The following TRERF1 variants were observed in gnomAD, a reference collection of about 807,000 sequenced individuals.
TRERF1 encodes the protein transcriptional-regulating factor 1.
Under a neutral mutation model 122.9 loss-of-function variants are expected in TRERF1, and 27 were observed. The ratio of observed to expected loss-of-function variants is 0.22; its 90% CI spans 0.16 to 0.30. TRERF1 has a LOEUF of 0.30. Among genes scored for constraint, TRERF1 ranks in the 10% least tolerant of loss-of-function variants. TRERF1 has a pLI of 1.00. For missense variants in TRERF1, 1,248 were observed against 1,560.3 expected, an observed-to-expected ratio of 0.80 and a Z score of 3.37; for synonymous variants, 636 against 641.7, an observed-to-expected ratio of 0.99 and a Z score of 0.13.
At chr6:42,280,935 TG>T (rs1204203054) in intron 4 of TRERF1, among the ~76,000 whole-genome samples, 2 of 152,220 alleles carry the variant, frequency 1.3e-5, no homozygotes, top group Non-Finnish European at 2.9e-5. Context: ...TTCAGTGTTA[TG>T]GAATAAAGTT....
At chr6:42,229,554 C>T (rs112344120) in intron 17 of TRERF1, among the ~76,000 whole-genome samples, 2 of 152,160 alleles carry the variant, frequency 1.3e-5, no homozygotes, top group African/African-American at 2.4e-5. Context: ...TTGCTCTTCT[C>T]GAGGTCACTG....
intron 13 of TRERF1, among the ~76,000 whole-genome samples, chr6:42,251,089 T>TG (rs1396037015): frequency 6.6e-6 from 1 of 151,008 alleles, no homozygotes; most frequent in African/African-American, 2.4e-5. Context: ...CTACGCCTCT[T>TG]GGGTTCAGGC....
chr6:42,299,131 T>A (rs1785640989), intron 4 of TRERF1, among the ~76,000 whole-genome samples: 2 of 145,162 alleles, frequency 1.4e-5, no homozygotes, highest in Admixed American at 6.8e-5. Context: ...TCTATCTATC[T>A]ATCTACATAT....
chr6:42,268,085 A>G lies in TRERF1; in HGVS notation c.1437+69T>C. On this transcript the variant is annotated intron_variant, in intron 5 of 17. Coordinates refer to ENST00000372922, the Ensembl canonical transcript of TRERF1. The surrounding 1 kb of genome is among the most constrained non-coding windows in gnomAD (Gnocchi z 4.4). ...TTGAGGGGGCTTGGAGAGAGGATTG[A>G]GCACTGCAGACTCAGCCCTGACCCT... 1 of 1,370,412 alleles carries G rather than the reference A, an allele frequency of 7.3e-7. No homozygotes were observed. The highest frequency in any genetic ancestry group is 9.5e-7 in the Non-Finnish European group (1 of 1,055,742). The allele number at this position is 1,370,412 out of a possible 1,614,324, so 84.9% of individuals were successfully genotyped here.
At chr6:42,357,896 T>A (rs781462467) in intron 3 of TRERF1, among the ~76,000 whole-genome samples, 8 of 152,148 alleles carry the variant, frequency 5.3e-5, no homozygotes, top group Non-Finnish European at 1.2e-4. Flanking sequence ...TTTTAATGAC[T>A]CCAAAAGGCG....
intron 2 of TRERF1, among the ~76,000 whole-genome samples, chr6:42,367,806 T>C (rs527417464): frequency 6.6e-6 from 1 of 152,206 alleles, no homozygotes; most frequent in Admixed American, 6.5e-5. Context: ...GGGGACCATT[T>C]TTCAGCTGGG....
intron 3 of TRERF1, among the ~76,000 whole-genome samples, chr6:42,344,455 A>G (rs1767892425): frequency 6.6e-6 from 1 of 152,204 alleles, no homozygotes; most frequent in Non-Finnish European, 1.5e-5. Context: ...AAAACCGTGT[A>G]GCTAGTAAGC....
At chr6:42,289,603 AT>A (rs1455193102) in intron 4 of TRERF1, among the ~76,000 whole-genome samples, 7 of 152,224 alleles carry the variant, frequency 4.6e-5, no homozygotes, top group Admixed American at 4.6e-4. Context: ...TGATCATCTA[AT>A]GAGAAGAATA....
chr6:42,373,373 A>C (rs1391494553), intron 2 of TRERF1, among the ~76,000 whole-genome samples: 1 of 152,180 alleles, frequency 6.6e-6, no homozygotes, highest in Non-Finnish European at 1.5e-5. Context: ...TCTCTACTAA[A>C]AATACAAAAT....
intron 13 of TRERF1, 145 bp downstream of exon 13, chr6:42,254,706 C>G (rs1479665147): frequency 2.7e-6 from 2 of 738,826 alleles, no homozygotes; most frequent in African/African-American, 3.5e-5. Context: ...AAGCAACAGA[C>G]ATAGCTCTGC....
chr6:42,271,603 CA>C (rs976844878), intron 4 of TRERF1, among the ~76,000 whole-genome samples: 24 of 152,050 alleles, frequency 1.6e-4, no homozygotes, highest in Non-Finnish European at 1.9e-4. Flanking sequence ...TCACCCCCCC[CA>C]AAAAAAGTTA....
rs1052885924 is a variant in TRERF1 at position 42,393,078 on chromosome 6, C to T, written c.-453-29999G>A. Among the ~76,000 whole-genome samples, 3 of 152,170 alleles carry T rather than the reference C, an allele frequency of 2.0e-5. No individual in the cohort carries two copies. The highest frequency in any genetic ancestry group is 6.5e-5 in the Admixed American group (1 of 15,280). On this transcript the variant is annotated intron_variant, in intron 2 of 17. Transcript: ENST00000372922. This position sits in a 1 kb window ranked among gnomAD's most constrained non-coding sequence, Gnocchi z 4.1. ...CACAGTTAACTCCCACGAGCTGGTG[C>T]GAGCCAGCTTCCACACGCATCACCG...
intron 2 of TRERF1, among the ~76,000 whole-genome samples, chr6:42,433,540 G>T (rs1784804922): frequency 6.6e-6 from 1 of 152,194 alleles, no homozygotes; most frequent in South Asian, 2.1e-4. Context: ...CATTGTACAG[G>T]TAAGGGCAAA....
chr6:42,246,782 C>G (rs1277081921), intron 13 of TRERF1, among the ~76,000 whole-genome samples: 2 of 152,164 alleles, frequency 1.3e-5, no homozygotes, highest in Non-Finnish European at 2.9e-5. Flanking sequence ...GTTTTGTTAC[C>G]TACAAATGGG....
chr6:42,255,951 T>C (rs2149736493), intron 12 of TRERF1, among the ~76,000 whole-genome samples: 1 of 151,914 alleles, frequency 6.6e-6, no homozygotes, highest in East Asian at 1.9e-4. Flanking sequence ...GCCAACATGA[T>C]GAAACCCCAT....
chr6:42,243,434 T>C, intron 14 of TRERF1, 73 bp from the exon 15 acceptor site: 1 of 1,094,560 alleles, frequency 9.1e-7, no homozygotes, highest in Non-Finnish European at 1.4e-6. Flanking sequence ...TTTTTGAATA[T>C]TTAATTTTGT....
intron 2 of TRERF1, among the ~76,000 whole-genome samples, chr6:42,401,933 G>C (rs1779444359): frequency 6.6e-6 from 1 of 152,182 alleles, no homozygotes; most frequent in Non-Finnish European, 1.5e-5. Context: ...AAAAGGTCTT[G>C]GGCTTTGAAG....
chr6:42,446,549 T>G (rs1787551527), intron 2 of TRERF1, among the ~76,000 whole-genome samples: 1 of 152,046 alleles, frequency 6.6e-6, no homozygotes, highest in African/African-American at 2.4e-5. Flanking sequence ...GTAAGTGAAG[T>G]GGTAAGGGTA....
At chr6:42,229,114 A>C (rs1318672914) in intron 17 of TRERF1, among the ~76,000 whole-genome samples, 1 of 151,954 alleles carries the variant, frequency 6.6e-6, no homozygotes, top group Non-Finnish European at 1.5e-5. Flanking sequence ...CCACAGTTGA[A>C]AGTTGTTGGT....
Sources: allele counts gnomAD v4.1 joint callset (sites outside exome capture counted in the v4.1 genomes callset), GRCh38; gene constraint gnomAD v4.1.1; non-coding constraint Gnocchi (gnomAD v3.1); transcripts MANE v1.5; gene names NCBI Gene and HGNC (gene_info 2026-07-23, HGNC 2026-07-21).